The following STAT1 variants were observed in gnomAD, a reference collection of about 807,000 sequenced individuals.
The protein encoded by STAT1 is signal transducer and activator of transcription 1, also known as signal transducer and activator of transcription 1-alpha/beta.
A neutral mutation model predicts 111.7 loss-of-function variants in STAT1; 24 were observed. The ratio of observed to expected loss-of-function variants is 0.21; its 90% CI spans 0.16 to 0.30. The LOEUF is 0.30. Ranked by LOEUF, STAT1 falls within the 10% of genes least tolerant of loss-of-function variation. The probability of loss-of-function intolerance (pLI) is 1.00; values close to 1 mark genes in which losing one functional copy is unlikely to be tolerated. For synonymous variants in STAT1, 332 were observed against 326.5 expected, an observed-to-expected ratio of 1.02 and a Z score of -0.18; for missense variants, 351 against 911.9, an observed-to-expected ratio of 0.38 and a Z score of 7.92.
chr2:190,988,172 TTCACTTGGAACACTG>T (rs1217961722), intron 12 of STAT1, among the ~76,000 whole-genome samples: 1 of 152,184 alleles, frequency 6.6e-6, no homozygotes, highest in Non-Finnish European at 1.5e-5. Context: ...ACAGGCCTTG[TTCACTTGGAACACTG>T]TCACCATGGG....
rs558798389 is a variant in STAT1, at chr2:190,980,596, G to C, written c.1632+24C>G. On this transcript the variant is annotated intron_variant, in intron 19 of 24. Coordinates refer to ENST00000361099, the MANE Select transcript of STAT1 (RefSeq NM_007315.4). The surrounding 1 kb of genome is among the most constrained non-coding windows in gnomAD (Gnocchi z 6.1). ...ACCAAGAGCAAAAAGGACTTAGAGA[G>C]CATAAAACCCAGACAGTCCTCACCT... 1.3e-4 allele frequency: 217 copies of C among 1,613,266 alleles called. 4 individuals are homozygous for C. The South Asian group carries it at 2.3e-3, about 17-fold the overall frequency.
Position 190,980,443 on chromosome 2 carries a change from T to G in STAT1, c.1632+177A>C, listed in dbSNP as rs1692288409. Among the ~76,000 whole-genome samples the G allele has an allele frequency of 6.6e-6, 1 of 152,242 alleles. No individual in the cohort carries two copies. On this transcript the variant is annotated intron_variant, in intron 19 of 24. Coordinates refer to ENST00000361099, the MANE Select transcript of STAT1 (RefSeq NM_007315.4). This position sits in a 1 kb window ranked among gnomAD's most constrained non-coding sequence, Gnocchi z 6.1. ...CAGGTGCTTCCTGTCAGACTCCTGC[T>G]CGGAGACCAACCTCCTGCACTGAAG...
chr2:190,979,897 C>T lies in STAT1; in HGVS notation c.1633-31G>A, dbSNP rs371532774. The T allele has an allele frequency of 1.4e-6, 2 of 1,473,254 alleles. No individual in the cohort carries two copies. Among genetic ancestry groups the T allele is most frequent in the Non-Finnish European group, 1.9e-6 (2 of 1,052,976 alleles). 91.3% of individuals were successfully genotyped at this position (1,473,254 alleles called of 1,614,324 possible). A position where few individuals can be genotyped will look rare whatever the true frequency, so the allele number is the denominator to read the frequency against. ...AGTATACAAATGCAGACATTATGAA[C>T]AAAAATCTAAAACAATGACTTACCA... On this transcript the variant is annotated intron_variant, in intron 19 of 24. Coordinates refer to ENST00000361099, the MANE Select transcript of STAT1 (RefSeq NM_007315.4). This position sits in a 1 kb window ranked among gnomAD's most constrained non-coding sequence, Gnocchi z 5.8.
chr2:190,983,851 T>C lies in STAT1; in HGVS notation c.1348-111A>G. 2 of 902,438 alleles carry C rather than the reference T, an allele frequency of 2.2e-6. No individual in the cohort carries two copies. Among genetic ancestry groups the C allele is most frequent in the African/African-American group, 3.3e-5 (2 of 60,874 alleles). The allele number at this position is 902,438 out of a possible 1,614,324, so 55.9% of individuals were successfully genotyped here. ...GATTATTTGTAAATTTGTACATATT[T>C]AATACTTGAAAATGAGAAGTGTTAA... On this transcript the variant is annotated intron_variant, in intron 16 of 24. Coordinates refer to ENST00000361099, the MANE Select transcript of STAT1 (RefSeq NM_007315.4). This position sits in a 1 kb window ranked among gnomAD's most constrained non-coding sequence, Gnocchi z 5.7.
In STAT1 at chr2:190,981,029, C is replaced by T. The variant is rs1357936556; in HGVS notation, c.1583-360G>A. On this transcript the variant is annotated intron_variant, in intron 18 of 24. Coordinates refer to ENST00000361099, the MANE Select transcript of STAT1 (RefSeq NM_007315.4). This position sits in a 1 kb window ranked among gnomAD's most constrained non-coding sequence, Gnocchi z 4.1. ...CCTCCCCAGCCCCCCTTTTCCCTCC[C>T]TCCTCTAAAGAGAGGACAGTCCTTT... 6.8e-6 allele frequency among the ~76,000 whole-genome samples: 1 copy of T among 147,290 alleles called. No homozygotes were observed. The highest frequency in any genetic ancestry group is 2.6e-5 in the African/African-American group (1 of 38,674).
chr2:190,992,619 G>T, intron 10 of STAT1: 1 of 1,049,282 alleles, frequency 9.5e-7, no homozygotes, highest in Non-Finnish European at 1.2e-6. Context: ...ATTACTGTGA[G>T]AAAAGGATGG....
intron 10 of STAT1, among the ~76,000 whole-genome samples, chr2:190,994,046 TA>T (rs1693611337): frequency 6.6e-6 from 1 of 152,170 alleles, no homozygotes; most frequent in African/African-American, 2.4e-5. Context: ...CGAAGGGAGA[TA>T]ACATCTGTTT....
Position 190,983,863 on chromosome 2 carries a change from A to C in STAT1, c.1348-123T>G. On this transcript the variant is annotated intron_variant, in intron 16 of 24. Transcript: ENST00000361099. This position sits in a 1 kb window ranked among gnomAD's most constrained non-coding sequence, Gnocchi z 5.7. The stretch of plus-strand genomic sequence containing the variant: ...ATTTGTACATATTTAATACTTGAAA[A>C]TGAGAAGTGTTAAGTTCTGTTCTTC... 2.4e-6 allele frequency: 2 copies of C among 828,470 alleles called. No individual in the cohort carries two copies. Among genetic ancestry groups the C allele is most frequent in the Non-Finnish European group, 4.0e-6 (2 of 494,004 alleles). The allele number at this position is 828,470 out of a possible 1,614,324, so 51.3% of individuals were successfully genotyped here.
In STAT1 at chr2:191,009,956, C is replaced by T. The variant is rs1340515382; in HGVS notation, c.48G>A (p.Glu16=). 6.2e-7 allele frequency: 1 copy of T among 1,613,902 alleles called. No individual in the cohort carries two copies. Among genetic ancestry groups the T allele is most frequent in the Non-Finnish European group, 8.5e-7 (1 of 1,179,968 alleles). The change falls in exon 3 of 25, where the codon GAG becomes GAA. Residue 16 remains glutamate (E), a synonymous_variant. Transcript: ENST00000361099. The stretch of plus-strand genomic sequence containing the variant: ...TGTCATCATAAAGCTGGTGAACCTG[C>T]TCCAGGAATTTTGAGTCAAGCTGCT... ...ELQQLDSKFL[E]QVHQLYDDSF... is the part of the protein sequence containing the mutation.
At position 190,975,823 on chromosome 2, in the gene STAT1, A is replaced by G; in HGVS notation, c.2124T>C (p.Ser708=). ...CTGTGTTCACTTACACTTCAGACAC[A>G]GAAATCAACTCAGTCTTGATATATC... ...GTGYIKTELI[S]VSEVHPSRLQ... Residue 708 remains serine, a synonymous_variant, in exon 23 of 25, where the codon TCT becomes TCC. Coordinates refer to ENST00000361099, the MANE Select transcript of STAT1 (RefSeq NM_007315.4). The surrounding 1 kb of genome is among the most constrained non-coding windows in gnomAD (Gnocchi z 5.9). The G allele has an allele frequency of 6.2e-7, 1 of 1,614,228 alleles. No individual in the cohort carries two copies. Among genetic ancestry groups the G allele is most frequent in the Non-Finnish European group, 8.5e-7 (1 of 1,180,030 alleles).
Position 190,979,187 on chromosome 2 carries a change from A to AGT in STAT1, c.1728-187_1728-186insAC, listed in dbSNP as rs1692146603. ...CATTTCACTTATACATGTATATACT[A>AGT]AGGTTTTAAAAAAAGCGATATGAAC... On this transcript the variant is annotated intron_variant, in intron 20 of 24. Transcript: ENST00000361099. The surrounding 1 kb of genome is among the most constrained non-coding windows in gnomAD (Gnocchi z 5.8). Among the ~76,000 whole-genome samples the AGT allele has an allele frequency of 6.6e-6, 1 of 152,220 alleles. No homozygotes were observed. The highest frequency in any genetic ancestry group is 1.5e-5 in the Non-Finnish European group (1 of 68,034).
rs780428706 is a variant in STAT1, at chr2:190,999,893, T to C, written c.463-189A>G. ...TTCGGTTTCATTAATAAGTATGTCA[T>C]AACATTTTTAAAAAAGCAAACGTAC... On this transcript the variant is annotated intron_variant, in intron 6 of 24. Coordinates refer to ENST00000361099, the MANE Select transcript of STAT1 (RefSeq NM_007315.4). The surrounding 1 kb of genome is among the most constrained non-coding windows in gnomAD (Gnocchi z 4.1). Among the ~76,000 whole-genome samples the C allele has an allele frequency of 3.9e-5, 6 of 152,308 alleles. No individual in the cohort carries two copies. The highest frequency in any genetic ancestry group is 2.6e-4 in the Admixed American group (4 of 15,302).
In STAT1 at chr2:190,979,089, G is replaced by A. The variant is rs1198447042; in HGVS notation, c.1728-88C>T. 2.6e-6 allele frequency: 4 copies of A among 1,550,772 alleles called. No homozygotes were observed. The East Asian group carries it at 6.9e-5, about 27-fold the overall frequency. ...AACTTACAAACCAAGAAAATGGCTG[G>A]AATGTGAGAAAAAAAACCTACGGTA... On this transcript the variant is annotated intron_variant, in intron 20 of 24. Transcript: ENST00000361099. This position sits in a 1 kb window ranked among gnomAD's most constrained non-coding sequence, Gnocchi z 5.8.
chr2:191,012,736 C>T lies in STAT1; in HGVS notation c.-2+789G>A, dbSNP rs1384471742. 6.6e-6 allele frequency among the ~76,000 whole-genome samples: 1 copy of T among 152,200 alleles called. No individual in the cohort carries two copies. The highest frequency in any genetic ancestry group is 1.5e-5 in the Non-Finnish European group (1 of 68,044). ...ATCTTCATCCATCAACAAAGCAACCCAGTCACCAAATCATTTACTGTTTTT... is the reference window on the plus strand; with the variant it reads ...ATCTTCATCCATCAACAAAGCAACCTAGTCACCAAATCATTTACTGTTTTT... On this transcript the variant is annotated intron_variant, in intron 2 of 24. Coordinates refer to ENST00000361099, the MANE Select transcript of STAT1 (RefSeq NM_007315.4). The surrounding 1 kb of genome is among the most constrained non-coding windows in gnomAD (Gnocchi z 4.0).
chr2:190,999,523 T>G lies in STAT1; in HGVS notation c.541+103A>C. On this transcript the variant is annotated intron_variant, in intron 7 of 24. Transcript: ENST00000361099. The surrounding 1 kb of genome is among the most constrained non-coding windows in gnomAD (Gnocchi z 4.1). ...TGGGTTATCAAGGAAGAATTCAGAG[T>G]CATAAAATACTCGGCAAATAGAAAG... is the stretch of plus-strand genomic sequence containing the variant. 1.2e-6 allele frequency: 1 copy of G among 815,978 alleles called. No individual in the cohort carries two copies. The highest frequency in any genetic ancestry group is 2.1e-6 in the Non-Finnish European group (1 of 470,564). 50.5% of individuals were successfully genotyped at this position (815,978 alleles called of 1,614,324 possible). A position where few individuals can be genotyped will look rare whatever the true frequency, so the allele number is the denominator to read the frequency against.
rs1692027361 is a variant in STAT1, at chr2:190,977,819, G to A, written c.1874-794C>T. On this transcript the variant is annotated intron_variant, in intron 21 of 24. Transcript: ENST00000361099. This position sits in a 1 kb window ranked among gnomAD's most constrained non-coding sequence, Gnocchi z 4.7. ...GTTCAGGAAGGGAACAGGATAAGAG[G>A]AAAAGGGCAGGTTCTAATGACTACT... Among the ~76,000 whole-genome samples, 1 of 152,122 alleles carries A rather than the reference G, an allele frequency of 6.6e-6. No individual in the cohort carries two copies. Among genetic ancestry groups the A allele is most frequent in the Non-Finnish European group, 1.5e-5 (1 of 68,014 alleles).
At chr2:190,985,964 T>C (rs1349456167) in intron 14 of STAT1, among the ~76,000 whole-genome samples, 1 of 152,188 alleles carries the variant, frequency 6.6e-6, no homozygotes, top group Non-Finnish European at 1.5e-5. Flanking sequence ...TTTCATGCCC[T>C]GAGGCTCGGG....
In STAT1 at chr2:191,007,347, A is replaced by G. The variant is rs1244219264; in HGVS notation, c.372+216T>C. Among the ~76,000 whole-genome samples the G allele has an allele frequency of 6.6e-6, 1 of 152,152 alleles. No homozygotes were observed. The highest frequency in any genetic ancestry group is 1.5e-5 in the Non-Finnish European group (1 of 68,030). ...TATGCTACCCAGAAGTATCTTGTTT[A>G]TATGTTCTCTCTCCTCGTTAGAACT... On this transcript the variant is annotated intron_variant, in intron 5 of 24. Transcript: ENST00000361099. This position sits in a 1 kb window ranked among gnomAD's most constrained non-coding sequence, Gnocchi z 4.2.
In STAT1 at chr2:190,999,016, T is replaced by C. The variant is rs770875219; in HGVS notation, c.541+610A>G. ...GGTATACCCCAGATGATGAATAGAG[T>C]AACAGCAGTACCCTACGTGTCCTAC... On this transcript the variant is annotated intron_variant, in intron 7 of 24. Transcript: ENST00000361099. The surrounding 1 kb of genome is among the most constrained non-coding windows in gnomAD (Gnocchi z 4.1). Among the ~76,000 whole-genome samples, 76 of 152,080 alleles carry C rather than the reference T, an allele frequency of 5.0e-4. No homozygotes were observed. The highest frequency in any genetic ancestry group is 8.5e-4 in the Admixed American group (13 of 15,282).
Sources: gnomAD v4.1 joint callset for allele counts (sites outside exome capture counted in the v4.1 genomes callset) on GRCh38, gnomAD v4.1.1 for gene constraint, Gnocchi (gnomAD v3.1) non-coding constraint, MANE v1.5 for transcripts, NCBI Gene and HGNC (gene_info 2026-07-23, HGNC 2026-07-21) for gene names.